The following NUP155 variants were observed in gnomAD, a reference collection of about 807,000 sequenced individuals.
NUP155 encodes nuclear pore complex protein Nup155.
Under a neutral mutation model 180.4 loss-of-function variants are expected in NUP155, and 71 were observed. The ratio of observed to expected loss-of-function variants is 0.39; its 90% CI spans 0.33 to 0.48. The LOEUF is 0.48. NUP155 is among the 20% of genes least tolerant of loss of function. The probability of loss-of-function intolerance (pLI) is 0.91; values close to 1 mark genes in which losing one functional copy is unlikely to be tolerated. For synonymous variants in NUP155, 582 were observed against 559.5 expected (o/e 1.04, Z -0.57); for missense variants, 1,553 against 1,648.9 (o/e 0.94, Z 1.01).
intron 1 of NUP155, among the ~76,000 whole-genome samples, chr5:37,365,020 T>C (rs1447042518): frequency 6.6e-6 from 1 of 151,816 alleles, no homozygotes; most frequent in Non-Finnish European, 1.5e-5. Flanking sequence ...TCCTAGCACT[T>C]TGGGAGGCCG....
chr5:37,323,106 C>G (rs766958800), intron 20 of NUP155, among the ~76,000 whole-genome samples: 4 of 151,650 alleles, frequency 2.6e-5, no homozygotes, highest in Non-Finnish European at 5.9e-5. Flanking sequence ...CATGGTGAAA[C>G]CCCGTCTCCG....
Position 37,371,008 on chromosome 5 carries a change from A to G in NUP155, c.-31T>C. On this transcript the variant is annotated 5_prime_UTR_variant, in exon 1 of 35. Coordinates refer to ENST00000231498, the MANE Select transcript of NUP155 (RefSeq NM_153485.3). The stretch of plus-strand genomic sequence containing the variant: ...AAATCGTAGACACCAGGGTCCAGAA[A>G]AAGTCAAAAACCAAGGAGAAACAAG... 2 of 1,610,122 alleles carry G rather than the reference A, an allele frequency of 1.2e-6. No individual in the cohort carries two copies. Among genetic ancestry groups the G allele is most frequent in the Non-Finnish European group, 1.7e-6 (2 of 1,177,626 alleles).
rs1397346969 is a variant in NUP155, at chr5:37,292,898, G to T, written c.4018C>A (p.Gln1340Lys). The T allele has an allele frequency of 6.2e-7, 1 of 1,607,588 alleles. No individual in the cohort carries two copies. The highest frequency in any genetic ancestry group is 8.5e-7 in the Non-Finnish European group (1 of 1,174,816). ...AAGTACCTTTCACAATTTAAAACTT[G>T]GCTGGGATTCTCAACATATCTTATC... ...LLIRYVENPSQVLNCERRRFT... is the reference protein window; with the variant it reads ...LLIRYVENPSKVLNCERRRFT... The change falls in exon 34 of 35, where the codon CAA (glutamine) becomes AAA (lysine). Residue 1340 changes from glutamine (Q) to lysine (K), a missense_variant. Physicochemically the swap from Gln to Lys is moderately conservative, Grantham distance 53 (BLOSUM62 1). Coordinates refer to ENST00000231498, the MANE Select transcript of NUP155 (RefSeq NM_153485.3).
At chr5:37,341,345 C>T in intron 10 of NUP155, 103 bp from the exon 11 acceptor site, 2 of 973,966 alleles carry the variant, frequency 2.1e-6, no homozygotes, top group Admixed American at 3.7e-5. Flanking sequence ...TCTGCTAAAA[C>T]CATACATAAC....
chr5:37,347,064 T>C (rs557781672), intron 9 of NUP155, among the ~76,000 whole-genome samples: 1 of 151,722 alleles, frequency 6.6e-6, no homozygotes, highest in Non-Finnish European at 1.5e-5. Flanking sequence ...CCTGTCTCTA[T>C]AAAAAATAGA....
chr5:37,338,415 T>C (rs1561796146), intron 11 of NUP155, among the ~76,000 whole-genome samples: 1 of 150,868 alleles, frequency 6.6e-6, no homozygotes, highest in Non-Finnish European at 1.5e-5. Context: ...TCAATCTTTT[T>C]TTTTTTTTTT....
Position 37,304,851 on chromosome 5 carries a change from A to G in NUP155, c.3058-8T>C, listed in dbSNP as rs765559984. 3.7e-6 allele frequency: 6 copies of G among 1,610,718 alleles called. No individual in the cohort carries two copies. The Admixed American group carries it at 8.3e-5, about 22-fold the overall frequency. On this transcript the variant is annotated splice_region_variant and splice_polypyrimidine_tract_variant and intron_variant, in intron 26 of 34. Coordinates refer to ENST00000231498, the MANE Select transcript of NUP155 (RefSeq NM_153485.3). ...TTTAAGCATTTGTTCAAACTAAAAT[A>G]AAGAAAATAGTAAAAATTAGCAGTT... is the stretch of plus-strand genomic sequence containing the variant.
chr5:37,299,768 C>T (rs1742767029), intron 30 of NUP155, among the ~76,000 whole-genome samples, 200 bp from the exon 31 acceptor site: 1 of 151,982 alleles, frequency 6.6e-6, no homozygotes, highest in Non-Finnish European at 1.5e-5. Context: ...GGTACGGTGA[C>T]TCAGGCCTGT....
At chr5:37,363,061 G>A (rs554977060) in intron 3 of NUP155, among the ~76,000 whole-genome samples, 19 of 152,058 alleles carry the variant, frequency 1.2e-4, no homozygotes, top group Non-Finnish European at 2.2e-4. Context: ...ACAGGCATGT[G>A]CCACCACACT....
chr5:37,307,197 CA>C (rs34995492), intron 25 of NUP155, 99 bp downstream of exon 25: 95,830 of 899,294 alleles, frequency 0.11, 1 homozygote, highest in East Asian at 0.13. Context: ...GACTCTGTCT[CA>C]AAAAAAAAAA....
At position 37,288,267 on chromosome 5, in the gene NUP155, T is replaced by C. The variant is rs1306418803; in HGVS notation, c.*3633A>G. On this transcript the variant is annotated 3_prime_UTR_variant, in exon 35 of 35. Coordinates refer to ENST00000231498, the MANE Select transcript of NUP155 (RefSeq NM_153485.3). ...TCTTCATTTCCTTGATACAACTCTG[T>C]ACCATGGTCATAATTTTTCCGTCTC... 2 of 152,174 alleles carry C rather than the reference T, an allele frequency of 1.3e-5. No homozygotes were observed. Among genetic ancestry groups the C allele is most frequent in the Admixed American group, 1.3e-4 (2 of 15,272 alleles). 9.4% of individuals were successfully genotyped at this position (152,174 alleles called of 1,614,324 possible).
chr5:37,368,164 G>A (rs1747724757), intron 1 of NUP155, among the ~76,000 whole-genome samples: 1 of 148,440 alleles, frequency 6.7e-6, no homozygotes, highest in Non-Finnish European at 1.5e-5. Context: ...CCCACTTCCA[G>A]GTCCCAAATT....
chr5:37,363,192 G>A (rs1032067928), intron 3 of NUP155, among the ~76,000 whole-genome samples: 4 of 152,140 alleles, frequency 2.6e-5, no homozygotes, highest in Non-Finnish European at 5.9e-5. Context: ...GATTATAGGC[G>A]TTTGAGTCAG....
intron 14 of NUP155, 68 bp from the exon 15 acceptor site, chr5:37,330,200 A>C: frequency 9.4e-7 from 1 of 1,060,896 alleles, no homozygotes; most frequent in Non-Finnish European, 1.4e-6. Context: ...GTACTGCTAG[A>C]TGCAGTATTA....
rs1264872538 is a variant in NUP155, at chr5:37,323,847, G to A, written c.2207+145C>T. 9 of 640,020 alleles carry A rather than the reference G, an allele frequency of 1.4e-5. No individual in the cohort carries two copies. In the East Asian group the frequency reaches 2.3e-4, roughly 16 times the overall value. The allele number at this position is 640,020 out of a possible 1,614,324, so 39.6% of individuals were successfully genotyped here. On this transcript the variant is annotated intron_variant, in intron 20 of 34. Coordinates refer to ENST00000231498, the MANE Select transcript of NUP155 (RefSeq NM_153485.3). ...TGAAAATGTTCTAAAATTAGATAGT[G>A]GTGATGGTTGCATAACCTTGTAGAT... is the stretch of plus-strand genomic sequence containing the variant.
intron 3 of NUP155, 97 bp from the exon 4 acceptor site, chr5:37,358,248 G>T: frequency 1.2e-6 from 1 of 847,450 alleles, no homozygotes; most frequent in Non-Finnish European, 2.0e-6. Context: ...GGAGTCTGAG[G>T]CAGGAGGACT....
intron 2 of NUP155, 58 bp from the exon 3 acceptor site, chr5:37,364,042 T>C: frequency 4.5e-6 from 6 of 1,346,904 alleles, no homozygotes; most frequent in Non-Finnish European, 6.4e-6. Context: ...TTTAACTTGT[T>C]TCAATAGCTT....
chr5:37,368,197 ACAGCGCCAGGCCTTT>A (rs1166273230), intron 1 of NUP155, among the ~76,000 whole-genome samples: 1 of 141,366 alleles, frequency 7.1e-6, no homozygotes, highest in Non-Finnish European at 1.5e-5. Context: ...GGCATGAGGC[ACAGCGCCAGGCCTTT>A]TTTTTTTTTT....
At chr5:37,314,761 A>G (rs1037996630) in intron 21 of NUP155, among the ~76,000 whole-genome samples, 2 of 152,164 alleles carry the variant, frequency 1.3e-5, no homozygotes, top group African/African-American at 4.8e-5. Context: ...AATGGCGTGA[A>G]CCCAGGAGGC....
Sources: gnomAD v4.1 joint callset for allele counts (sites outside exome capture counted in the v4.1 genomes callset) on GRCh38, gnomAD v4.1.1 for gene constraint, MANE v1.5 for transcripts, NCBI Gene and HGNC (gene_info 2026-07-23, HGNC 2026-07-21) for gene names.